Variants in CFAP69 observed in about 807,000 individuals in gnomAD.
CFAP69 encodes the protein cilia and flagella associated protein 69, also known as cilia- and flagella-associated protein 69.
A neutral mutation model predicts 123.0 loss-of-function variants in CFAP69; 92 were observed. The ratio of observed to expected loss-of-function variants is 0.75; its 90% CI spans 0.63 to 0.89. The LOEUF (loss-of-function observed/expected upper bound fraction) is 0.89, where lower values mean the gene tolerates loss of function less well. Ranked by LOEUF, CFAP69 falls within the 40% of genes least tolerant of loss-of-function variation. CFAP69 has a pLI of 0.00. For synonymous variants in CFAP69, 380 were observed against 364.3 expected (o/e 1.04, Z -0.49); for missense variants, 1,067 against 1,096.9 (o/e 0.97, Z 0.39).
intron 8 of CFAP69, 33 bp from the exon 9 acceptor site, chr7:90,273,954 A>G (rs1051427598): frequency 1.3e-6 from 2 of 1,500,332 alleles, no homozygotes; most frequent in African/African-American, 1.4e-5. Context: ...GTGTATAACA[A>G]TATAGTTTTT....
chr7:90,252,410 G>A (rs1562835501), intron 1 of CFAP69, among the ~76,000 whole-genome samples: 1 of 152,138 alleles, frequency 6.6e-6, no homozygotes, highest in Non-Finnish European at 1.5e-5. Flanking sequence ...GCTCATGCCT[G>A]TAATTTCAAA....
chr7:90,307,150 G>A (rs564090868), intron 20 of CFAP69, 52 bp downstream of exon 20: 4 of 1,320,772 alleles, frequency 3.0e-6, no homozygotes, highest in East Asian at 4.7e-5. Flanking sequence ...TGGTTAATGG[G>A]CACAAAAATA....
At chr7:90,245,600 G>C (rs1308396316) in intron 1 of CFAP69, 56 bp downstream of exon 1, 2 of 1,432,214 alleles carry the variant, frequency 1.4e-6, no homozygotes, top group African/African-American at 3.0e-5. Flanking sequence ...GAAGTCTCGA[G>C]ACGGGGTCCA....
At chr7:90,313,138 T>C (rs1308730841), downstream of CFAP69, among the ~76,000 whole-genome samples, 1 of 152,202 alleles carries the variant, frequency 6.6e-6, no homozygotes, top group East Asian at 1.9e-4. Context: ...TCCAGTTTCT[T>C]TCATCATTCT....
intron 3 of CFAP69, among the ~76,000 whole-genome samples, chr7:90,261,566 G>A (rs780062576): frequency 6.6e-6 from 1 of 152,100 alleles, no homozygotes; most frequent in Non-Finnish European, 1.5e-5. Flanking sequence ...TGTTTGTGTG[G>A]GCAGGGGTAG....
intron 1 of CFAP69, among the ~76,000 whole-genome samples, chr7:90,246,893 G>A (rs1308343813): frequency 6.6e-6 from 1 of 151,560 alleles, no homozygotes; most frequent in Non-Finnish European, 1.5e-5. Context: ...AATGAAACAA[G>A]TATACCTGTG....
At chr7:90,321,535 C>T in the CFAP69 span, among the ~76,000 whole-genome samples, 2 of 152,202 alleles carry the variant, frequency 1.3e-5, no homozygotes, top group African/African-American at 2.4e-5. Flanking sequence ...CTCCTTCTTA[C>T]TTTGTTCCTT....
chr7:90,277,728 T>C (rs1788819971), intron 11 of CFAP69, among the ~76,000 whole-genome samples: 2 of 152,140 alleles, frequency 1.3e-5, no homozygotes, highest in South Asian at 4.1e-4. Flanking sequence ...CTCAAACTCT[T>C]ATGAACCTGC....
At chr7:90,305,210 G>A (rs755623632) in intron 19 of CFAP69, among the ~76,000 whole-genome samples, 2 of 151,440 alleles carry the variant, frequency 1.3e-5, no homozygotes, top group Non-Finnish European at 2.9e-5. Flanking sequence ...ATGTGGTGGC[G>A]GGCGCCTATA....
chr7:90,252,361 T>A (rs1364230748), intron 1 of CFAP69, among the ~76,000 whole-genome samples: 2 of 152,214 alleles, frequency 1.3e-5, no homozygotes, highest in African/African-American at 2.4e-5. Flanking sequence ...AAATCCTTTT[T>A]AAAATTATTT....
At chr7:90,297,587 A>T (rs1792181418) in intron 15 of CFAP69, among the ~76,000 whole-genome samples, 162 bp from the exon 16 acceptor site, 1 of 152,228 alleles carries the variant, frequency 6.6e-6, no homozygotes, top group Non-Finnish European at 1.5e-5. Context: ...ACGCTGGTAA[A>T]GTTTCTTCAA....
intron 1 of CFAP69, among the ~76,000 whole-genome samples, chr7:90,253,658 T>A (rs1797294683): frequency 1.3e-5 from 2 of 152,196 alleles, no homozygotes. Context: ...TCTCAAGCGC[T>A]GGGATTATAG....
Position 90,271,921 on chromosome 7 carries a change from G to C in CFAP69, c.823G>C (p.Glu275Gln). The change falls in exon 8 of 23, where the codon GAA becomes CAA. Residue 275 changes from glutamate to glutamine, a missense_variant. Transcript: ENST00000389297. ...CTTGCTGGAAAAATCTTCAAAAGAA[G>C]AAGTCATACAACAGCTTAGTAACTT... is the stretch of plus-strand genomic sequence containing the variant. ...WNLLEKSSKE[E>Q]VIQQLSNLEC... is the part of the protein sequence containing the mutation. The C allele has an allele frequency of 1.2e-5, 20 of 1,613,208 alleles. No homozygotes were observed. The highest frequency in any genetic ancestry group is 1.7e-5 in the Non-Finnish European group (20 of 1,179,518).
chr7:90,314,998 G>GA (rs1018571074), downstream of CFAP69, among the ~76,000 whole-genome samples: 4 of 151,718 alleles, frequency 2.6e-5, no homozygotes, highest in South Asian at 2.1e-4. Context: ...ACAAGCGTAT[G>GA]AAAAAAAAGC....
At chr7:90,301,965 T>C (rs1411970967) in intron 17 of CFAP69, 1 of 152,206 alleles carries the variant, frequency 6.6e-6, no homozygotes, top group African/African-American at 2.4e-5. Flanking sequence ...CATCCCCTTT[T>C]CTCCACAACC....
chr7:90,310,297 T>G lies in CFAP69; in HGVS notation c.*59T>G, dbSNP rs1329843738. On this transcript the variant is annotated 3_prime_UTR_variant, in exon 23 of 23. Coordinates refer to ENST00000389297, the MANE Select transcript of CFAP69 (RefSeq NM_001039706.3). The stretch of plus-strand genomic sequence containing the variant: ...TTATAATTTTTTAGCTGAATATATC[T>G]TTATACATATGTAAAGCCAATATTT... 1 of 1,150,742 alleles carries G rather than the reference T, an allele frequency of 8.7e-7. No individual in the cohort carries two copies. Among genetic ancestry groups the G allele is most frequent in the Non-Finnish European group, 1.2e-6 (1 of 843,482 alleles). 71.3% of individuals were successfully genotyped at this position (1,150,742 alleles called of 1,614,324 possible).
At chr7:90,316,811 T>G in the CFAP69 span, 6 of 152,320 alleles carry the variant, frequency 3.9e-5, no homozygotes, top group African/African-American at 1.4e-4. Flanking sequence ...ATTTTGCCAT[T>G]AACTGGAAGA....
chr7:90,264,098 AAAAAAAATATATATATATATATAT>A lies in CFAP69; in HGVS notation c.357-1201_357-1178del, dbSNP rs1203734655. 1.9e-4 allele frequency among the ~76,000 whole-genome samples: 6 copies of A among 32,176 alleles called. 1 individual carries two copies. The highest frequency in any genetic ancestry group is 6.0e-4 in the African/African-American group (6 of 10,004). 21.1% of individuals were successfully genotyped at this position (32,176 alleles called of 152,430 possible). Reference sequence around the variant, plus strand: ...AGAGCAAGACTCCATCTCGAAAAAAAAAAAAAATATATATATATATATATATATATATATATATATATATATATA... The same window carrying A: ...AGAGCAAGACTCCATCTCGAAAAAAAATATATATATATATATATATATATA... On this transcript the variant is annotated intron_variant, in intron 4 of 22. Coordinates refer to ENST00000389297, the MANE Select transcript of CFAP69 (RefSeq NM_001039706.3).
intron 4 of CFAP69, among the ~76,000 whole-genome samples, chr7:90,262,283 T>A (rs1798438559): frequency 6.6e-6 from 1 of 152,212 alleles, no homozygotes; most frequent in Non-Finnish European, 1.5e-5. Context: ...AAATGCTTTC[T>A]TGTAATTAGT....
Sources: gnomAD v4.1 joint callset for allele counts (sites outside exome capture counted in the v4.1 genomes callset) on GRCh38, gnomAD v4.1.1 for gene constraint, MANE v1.5 for transcripts, NCBI Gene and HGNC (gene_info 2026-07-23, HGNC 2026-07-21) for gene names.